MFHAS1: variants seen among roughly 807,000 people sequenced by gnomAD.
The protein encoded by MFHAS1 is multifunctional ROCO family signaling regulator 1, also known as malignant fibrous histiocytoma-amplified sequence 1.
Under a neutral mutation model 70.4 loss-of-function variants are expected in MFHAS1, and 50 were observed. The observed-to-expected ratio is 0.71, with a 90% confidence interval of 0.57 to 0.90. The LOEUF is 0.90. MFHAS1 is among the 40% of genes least tolerant of loss of function. The pLI is 0.00. For missense variants in MFHAS1, 1,795 were observed against 1,347.6 expected, an observed-to-expected ratio of 1.33 and a Z score of -5.20; for synonymous variants, 952 against 620.0, an observed-to-expected ratio of 1.54 and a Z score of -7.96.
intron 1 of MFHAS1, 117 bp from the exon 2 acceptor site, chr8:8,797,608 C>T (rs1217477461): frequency 1.9e-5 from 22 of 1,161,782 alleles, no homozygotes; most frequent in African/African-American, 6.2e-5. Context: ...GGTGAAGCAA[C>T]GAAGGATGTG....
intron 2 of MFHAS1, among the ~76,000 whole-genome samples, chr8:8,793,192 A>G (rs971891272): frequency 6.6e-6 from 1 of 151,368 alleles, no homozygotes; most frequent in Non-Finnish European, 1.5e-5. Context: ...AAAAAATATC[A>G]CTACCTACTT....
chr8:8,826,638 C>T (rs1807173924), intron 1 of MFHAS1, among the ~76,000 whole-genome samples: 1 of 152,148 alleles, frequency 6.6e-6, no homozygotes, highest in Admixed American at 6.5e-5. Flanking sequence ...GAGGCTGAGG[C>T]AGGACAATCG....
chr8:8,874,618 T>C (rs143795092), intron 1 of MFHAS1, among the ~76,000 whole-genome samples: 35 of 152,280 alleles, frequency 2.3e-4, no homozygotes, highest in African/African-American at 8.4e-4. Flanking sequence ...CATCCACATA[T>C]GGATAGCACT....
chr8:8,802,022 T>C (rs138388401), intron 1 of MFHAS1, among the ~76,000 whole-genome samples: 1 of 152,308 alleles, frequency 6.6e-6, no homozygotes, highest in Non-Finnish European at 1.5e-5. Flanking sequence ...CATGGTGTAA[T>C]GTATGTCAAA....
At chr8:8,846,355 G>GGGA in intron 1 of MFHAS1, among the ~76,000 whole-genome samples, 1 of 125,752 alleles carries the variant, frequency 8.0e-6, no homozygotes, top group African/African-American at 2.9e-5. Flanking sequence ...GGGGAGGAGG[G>GGGA]GGAGGAGGAG....
At chr8:8,787,377 G>T (rs564786521) in intron 2 of MFHAS1, among the ~76,000 whole-genome samples, 1 of 152,236 alleles carries the variant, frequency 6.6e-6, no homozygotes, top group South Asian at 2.1e-4. Flanking sequence ...ACTGCGCCCG[G>T]CCTCAGCATC....
chr8:8,817,443 C>A (rs1343780832), intron 1 of MFHAS1, among the ~76,000 whole-genome samples: 1 of 152,332 alleles, frequency 6.6e-6, no homozygotes, highest in East Asian at 1.9e-4. Context: ...AATAAATGGC[C>A]TCATTCCTCC....
chr8:8,871,093 G>A (rs531829727), intron 1 of MFHAS1, among the ~76,000 whole-genome samples: 1 of 152,230 alleles, frequency 6.6e-6, no homozygotes, highest in East Asian at 1.9e-4. Flanking sequence ...AAGCAGCACA[G>A]GGTGACAGCA....
chr8:8,830,325 A>T (rs1048399213), intron 1 of MFHAS1, among the ~76,000 whole-genome samples: 1 of 152,246 alleles, frequency 6.6e-6, no homozygotes, highest in Non-Finnish European at 1.5e-5. Context: ...TTTAACTAAA[A>T]GAAGACTAAG....
chr8:8,785,936 G>C lies in MFHAS1; in HGVS notation c.*86C>G. 2 of 1,376,022 alleles carry C rather than the reference G, an allele frequency of 1.5e-6. No homozygotes were observed. Among genetic ancestry groups the C allele is most frequent in the Non-Finnish European group, 2.1e-6 (2 of 963,908 alleles). The allele number at this position is 1,376,022 out of a possible 1,614,324, so 85.2% of individuals were successfully genotyped here. ...TCAAGTTCACAGAACACGCTGGGGT[G>C]AGTGCAGAGGGTCTGCCAGGTGCAA... On this transcript the variant is annotated 3_prime_UTR_variant, in exon 3 of 3. Transcript: ENST00000276282.
intron 1 of MFHAS1, among the ~76,000 whole-genome samples, chr8:8,828,935 T>C (rs1461612595): frequency 6.6e-6 from 1 of 152,142 alleles, no homozygotes; most frequent in African/African-American, 2.4e-5. Flanking sequence ...GCTCTGTCAA[T>C]CTGCTAAGAG....
intron 1 of MFHAS1, among the ~76,000 whole-genome samples, chr8:8,862,244 T>C (rs1044708682): frequency 2.0e-5 from 3 of 152,188 alleles, no homozygotes; most frequent in Non-Finnish European, 4.4e-5. Flanking sequence ...TGCACTAGTA[T>C]CTCCTAGTGG....
intron 2 of MFHAS1, among the ~76,000 whole-genome samples, chr8:8,792,900 A>G (rs1227489262): frequency 2.6e-5 from 4 of 151,086 alleles, no homozygotes; most frequent in Non-Finnish European, 5.9e-5. Context: ...GACCCAGGCA[A>G]ATTTGCTACT....
chr8:8,791,524 G>C (rs1431814743), intron 2 of MFHAS1, among the ~76,000 whole-genome samples: 1 of 152,154 alleles, frequency 6.6e-6, no homozygotes, highest in Non-Finnish European at 1.5e-5. Context: ...GAAGGAGAAA[G>C]AGAAGCATTC....
At chr8:8,842,964 G>A (rs1807887263) in intron 1 of MFHAS1, among the ~76,000 whole-genome samples, 1 of 152,190 alleles carries the variant, frequency 6.6e-6, no homozygotes, top group Non-Finnish European at 1.5e-5. Flanking sequence ...TATCTGGTTA[G>A]CATCTAAGAA....
chr8:8,854,387 G>C (rs984592629), intron 1 of MFHAS1, among the ~76,000 whole-genome samples: 1 of 152,204 alleles, frequency 6.6e-6, no homozygotes, highest in African/African-American at 2.4e-5. Flanking sequence ...CAGGCTTGGT[G>C]GTGGGCGCCT....
chr8:8,848,197 C>T (rs947334633), intron 1 of MFHAS1, among the ~76,000 whole-genome samples: 75 of 152,298 alleles, frequency 4.9e-4, no homozygotes, highest in African/African-American at 1.7e-3. Flanking sequence ...CCTGACACCA[C>T]AGGGTTTGCA....
chr8:8,807,350 AAGAG>A (rs1316833627), intron 1 of MFHAS1, among the ~76,000 whole-genome samples: 1 of 152,078 alleles, frequency 6.6e-6, no homozygotes, highest in African/African-American at 2.4e-5. Context: ...TCAGATTCCA[AAGAG>A]AATCACTTAC....
intron 2 of MFHAS1, among the ~76,000 whole-genome samples, chr8:8,791,228 G>A (rs928245752): frequency 2.7e-5 from 4 of 149,542 alleles, no homozygotes; most frequent in South Asian, 4.2e-4. Context: ...CCCACATATC[G>A]GAGCACAGAC....
Sources: gnomAD v4.1 joint callset for allele counts (sites outside exome capture counted in the v4.1 genomes callset) on GRCh38, gnomAD v4.1.1 for gene constraint, MANE v1.5 for transcripts, NCBI Gene and HGNC (gene_info 2026-07-23, HGNC 2026-07-21) for gene names.